TMEM132C: variants seen among roughly 807,000 people sequenced by gnomAD.
The protein encoded by TMEM132C is protein phosphatase 1, regulatory subunit 152.
TMEM132C carries 29 observed loss-of-function variants against 61.4 expected under a neutral mutation model. The ratio of observed to expected loss-of-function variants is 0.47; its 90% CI spans 0.35 to 0.64. The LOEUF (loss-of-function observed/expected upper bound fraction) is 0.64, where lower values mean the gene tolerates loss of function less well. Ranked by LOEUF, TMEM132C falls within the 30% of genes least tolerant of loss-of-function variation. The probability of loss-of-function intolerance (pLI) is 0.00; values close to 1 mark genes in which losing one functional copy is unlikely to be tolerated. For synonymous variants in TMEM132C, 656 were observed against 633.1 expected (o/e 1.04, Z -0.54); for missense variants, 1,408 against 1,476.9 (o/e 0.95, Z 0.76).
intron 2 of TMEM132C, among the ~76,000 whole-genome samples, chr12:128,496,406 TGGATA>T (rs535986360): frequency 5.3e-5 from 8 of 152,212 alleles, no homozygotes; most frequent in Non-Finnish European, 8.8e-5. Context: ...GAAGTTCTCC[TGGATA>T]ATATCCTGCA....
chr12:128,364,170 A>G (rs1873790499), intron 1 of TMEM132C, among the ~76,000 whole-genome samples: 1 of 152,266 alleles, frequency 6.6e-6, no homozygotes, highest in Non-Finnish European at 1.5e-5. Context: ...CATTTAGGGC[A>G]CTATGAGTTA....
Position 128,665,786 on chromosome 12 carries a change from C to A in TMEM132C, c.1306-3631C>A, listed in dbSNP as rs559513035. 1.1e-3 allele frequency among the ~76,000 whole-genome samples: 158 copies of A among 144,172 alleles called. 1 individual carries two copies. Among genetic ancestry groups the A allele is most frequent in the Non-Finnish European group, 2.0e-3 (136 of 67,398 alleles). The allele number at this position is 144,172 out of a possible 152,430, so 94.6% of individuals were successfully genotyped here. ...TCATAAGCACACAGGCACTCACACA[C>A]ACAGGCACACACACATTCACAGGCA... On this transcript the variant is annotated intron_variant, in intron 4 of 8. Transcript: ENST00000435159.
intron 4 of TMEM132C, among the ~76,000 whole-genome samples, chr12:128,665,784 C>T (rs1010518371): frequency 6.9e-6 from 1 of 144,460 alleles, no homozygotes; most frequent in African/African-American, 2.8e-5. Flanking sequence ...GGCACTCACA[C>T]ACACAGGCAC....
chr12:128,305,064 C>G (rs998613302), intron 1 of TMEM132C, among the ~76,000 whole-genome samples: 1 of 151,982 alleles, frequency 6.6e-6, no homozygotes, highest in Non-Finnish European at 1.5e-5. Flanking sequence ...TCCCTTCTTT[C>G]CATCCACCTT....
At chr12:128,276,945 T>C (rs2135895196) in intron 1 of TMEM132C, among the ~76,000 whole-genome samples, 1 of 151,760 alleles carries the variant, frequency 6.6e-6, no homozygotes, top group South Asian at 2.1e-4. Flanking sequence ...GTCTTATCAT[T>C]GAGTTACAGC....
intron 2 of TMEM132C, among the ~76,000 whole-genome samples, chr12:128,431,207 T>G (rs930604378): frequency 2.6e-5 from 4 of 152,172 alleles, no homozygotes; most frequent in South Asian, 2.1e-4. Flanking sequence ...GGGGTCTGGA[T>G]GGAAAATCAA....
chr12:128,653,128 C>T (rs1185746653), intron 4 of TMEM132C, among the ~76,000 whole-genome samples: 7 of 152,188 alleles, frequency 4.6e-5, no homozygotes, highest in Non-Finnish European at 1.0e-4. Flanking sequence ...CATGCTACCA[C>T]GTGGACGAAC....
intron 1 of TMEM132C, among the ~76,000 whole-genome samples, chr12:128,285,392 AAAAG>A (rs1234403403): frequency 6.6e-6 from 1 of 152,206 alleles, no homozygotes; most frequent in East Asian, 1.9e-4. Context: ...AAAACAAAAA[AAAAG>A]ACATTTTAGT....
chr12:128,523,786 G>C (rs185029340), intron 2 of TMEM132C, among the ~76,000 whole-genome samples: 1 of 137,120 alleles, frequency 7.3e-6, no homozygotes, highest in East Asian at 2.5e-4. Flanking sequence ...GATTGCTTGA[G>C]CCCAGGAATT....
intron 3 of TMEM132C, among the ~76,000 whole-genome samples, chr12:128,578,339 C>A (rs1357546666): frequency 1.3e-5 from 2 of 152,342 alleles, no homozygotes; most frequent in South Asian, 2.1e-4. Context: ...TGTATGTCAA[C>A]ATGGATTCTC....
chr12:128,554,613 A>G (rs1468879694), intron 3 of TMEM132C, among the ~76,000 whole-genome samples: 1 of 152,204 alleles, frequency 6.6e-6, no homozygotes, highest in Non-Finnish European at 1.5e-5. Flanking sequence ...GATTGCCTGT[A>G]TTGTCCAGGT....
intron 1 of TMEM132C, among the ~76,000 whole-genome samples, chr12:128,268,387 G>T (rs1206935140): frequency 6.6e-6 from 1 of 152,212 alleles, no homozygotes; most frequent in Non-Finnish European, 1.5e-5. Context: ...GGGAGAGGCG[G>T]TCTCCAGCCC....
rs146764360 is a variant in TMEM132C, at chr12:128,283,886, ACTGT to A, written c.85+16403_85+16406del. ...CCCCTGCCTCAGCCACTGAGTCTCC[ACTGT>A]CTGCCTTGCTGGGCCTCTCCTGATG... On this transcript the variant is annotated intron_variant, in intron 1 of 8. Transcript: ENST00000435159. 2.7e-4 allele frequency among the ~76,000 whole-genome samples: 41 copies of A among 152,058 alleles called. 1 individual carries two copies. In the East Asian group the frequency reaches 7.9e-3, roughly 29 times the overall value.
intron 2 of TMEM132C, among the ~76,000 whole-genome samples, chr12:128,538,921 ATTACTTTTCC>A (rs2136143245): frequency 6.6e-6 from 1 of 152,298 alleles, no homozygotes; most frequent in South Asian, 2.1e-4. Flanking sequence ...TTAAATTATG[ATTACTTTTCC>A]TTCTCTGCAT....
intron 3 of TMEM132C, among the ~76,000 whole-genome samples, chr12:128,596,246 C>T (rs1875943983): frequency 6.6e-6 from 1 of 151,484 alleles, no homozygotes; most frequent in Non-Finnish European, 1.5e-5. Context: ...CAGGGCTTCA[C>T]TGATCCCATG....
chr12:128,585,331 G>T (rs922970947), intron 3 of TMEM132C, among the ~76,000 whole-genome samples: 1 of 152,128 alleles, frequency 6.6e-6, no homozygotes, highest in African/African-American at 2.4e-5. Flanking sequence ...AGTGACAGGA[G>T]ATGTTAAATG....
intron 2 of TMEM132C, among the ~76,000 whole-genome samples, chr12:128,450,700 G>A (rs903730614): frequency 2.0e-5 from 3 of 152,144 alleles, no homozygotes; most frequent in Admixed American, 1.3e-4. Context: ...GTTGAATTCG[G>A]TATACAGAAA....
intron 1 of TMEM132C, among the ~76,000 whole-genome samples, chr12:128,353,639 C>T (rs572052349): frequency 4.6e-5 from 7 of 152,186 alleles, no homozygotes; most frequent in African/African-American, 1.7e-4. Flanking sequence ...GTCAGGATAA[C>T]GATGCTGTTT....
At chr12:128,520,389 G>A (rs1473880794) in intron 2 of TMEM132C, among the ~76,000 whole-genome samples, 2 of 152,220 alleles carry the variant, frequency 1.3e-5, no homozygotes, top group African/African-American at 2.4e-5. Context: ...ATGGATGTGA[G>A]CAAAAGAGAT....
Sources: gnomAD v4.1 joint callset for allele counts (sites outside exome capture counted in the v4.1 genomes callset) on GRCh38, gnomAD v4.1.1 for gene constraint, MANE v1.5 for transcripts, NCBI Gene and HGNC (gene_info 2026-07-23, HGNC 2026-07-21) for gene names.